Variants in CNTNAP5 observed in about 807,000 individuals in gnomAD.
CNTNAP5 encodes the protein contactin associated protein family member 5, also known as contactin-associated protein-like 5.
Under a neutral mutation model 150.2 loss-of-function variants are expected in CNTNAP5, and 72 were observed. That is an observed-to-expected ratio of 0.48 (90% confidence interval 0.40 to 0.58). CNTNAP5 has a LOEUF of 0.58. Ranked by LOEUF, CNTNAP5 falls within the 20% of genes least tolerant of loss-of-function variation. The pLI, the probability that CNTNAP5 is intolerant of heterozygous loss-of-function variation, is 0.00. For missense variants in CNTNAP5, 1,636 were observed against 1,626.2 expected (o/e 1.01, Z -0.10); for synonymous variants, 672 against 619.8 (o/e 1.08, Z -1.25).
intron 2 of CNTNAP5, among the ~76,000 whole-genome samples, chr2:124,231,333 T>G (rs933973176): frequency 3.3e-5 from 5 of 152,160 alleles, no homozygotes; most frequent in Non-Finnish European, 7.3e-5. Context: ...ACTTCAGTAC[T>G]CTGGTACTCA....
chr2:124,659,186 T>G (rs2105042404), intron 13 of CNTNAP5, among the ~76,000 whole-genome samples: 1 of 152,360 alleles, frequency 6.6e-6, no homozygotes, highest in Non-Finnish European at 1.5e-5. Flanking sequence ...TTAGTTTACC[T>G]AAGTTGTTTT....
chr2:124,243,700 A>G (rs1319444933), intron 3 of CNTNAP5, among the ~76,000 whole-genome samples: 2 of 152,252 alleles, frequency 1.3e-5, no homozygotes, highest in Admixed American at 1.3e-4. Context: ...AAATCTACCT[A>G]TTGGGTACTG....
chr2:124,408,848 T>A (rs377084069), intron 3 of CNTNAP5, among the ~76,000 whole-genome samples: 1 of 152,000 alleles, frequency 6.6e-6, no homozygotes, highest in Non-Finnish European at 1.5e-5. Flanking sequence ...TCCAAAGGAA[T>A]GCAGTTCCTC....
At chr2:124,368,470 AT>A (rs1456178745) in intron 3 of CNTNAP5, among the ~76,000 whole-genome samples, 2 of 152,176 alleles carry the variant, frequency 1.3e-5, no homozygotes, top group African/African-American at 4.8e-5. Context: ...CAGGAAGTTC[AT>A]TTACAGAAAT....
intron 1 of CNTNAP5, among the ~76,000 whole-genome samples, chr2:124,169,373 A>C (rs17010963): frequency 0.055 from 8,383 of 152,194 alleles, 435 homozygotes; most frequent in East Asian, 0.24. Flanking sequence ...TCATCCATTA[A>C]AAAAATTGAT....
chr2:124,664,565 T>C (rs1678659165), intron 13 of CNTNAP5, among the ~76,000 whole-genome samples: 1 of 152,182 alleles, frequency 6.6e-6, no homozygotes, highest in Admixed American at 6.5e-5. Flanking sequence ...CCTTGGCAGA[T>C]GCAAAGAGGG....
chr2:124,784,299 A>G (rs1017818977), intron 17 of CNTNAP5, among the ~76,000 whole-genome samples: 1 of 152,204 alleles, frequency 6.6e-6, no homozygotes, highest in South Asian at 2.1e-4. Context: ...TGCAGGAAAG[A>G]GCAGATACAC....
At chr2:124,419,994 T>TTTC (rs1692058100) in intron 4 of CNTNAP5, among the ~76,000 whole-genome samples, 1 of 131,500 alleles carries the variant, frequency 7.6e-6, no homozygotes, top group Non-Finnish European at 1.6e-5. Flanking sequence ...CTTTCTTTTT[T>TTTC]TTTTTTTTTT....
intron 19 of CNTNAP5, among the ~76,000 whole-genome samples, chr2:124,843,890 G>T (rs755652889): frequency 2.6e-5 from 4 of 152,040 alleles, no homozygotes; most frequent in Non-Finnish European, 5.9e-5. Flanking sequence ...TGAGTTCCTT[G>T]TAGATTCTGG....
At chr2:124,242,931 T>C (rs1686923446) in intron 3 of CNTNAP5, among the ~76,000 whole-genome samples, 1 of 152,142 alleles carries the variant, frequency 6.6e-6, no homozygotes. Flanking sequence ...AAACTAAAAC[T>C]ACAAAACAAG....
At chr2:124,462,753 A>G (rs1283829669) in intron 6 of CNTNAP5, among the ~76,000 whole-genome samples, 1 of 152,168 alleles carries the variant, frequency 6.6e-6, no homozygotes, top group Admixed American at 6.5e-5. Context: ...AGAGAACCAC[A>G]TATCATGAAT....
intron 1 of CNTNAP5, among the ~76,000 whole-genome samples, chr2:124,127,387 C>A (rs1683732997): frequency 6.6e-6 from 1 of 152,100 alleles, no homozygotes. Context: ...GAACTACAGA[C>A]CACTCCTCAA....
At chr2:124,642,876 C>G (rs1432700049) in intron 12 of CNTNAP5, among the ~76,000 whole-genome samples, 2 of 152,152 alleles carry the variant, frequency 1.3e-5, no homozygotes, top group Non-Finnish European at 2.9e-5. Flanking sequence ...CTTGAAAGCT[C>G]AAAATCACAA....
chr2:124,449,200 A>G (rs1692904075), intron 6 of CNTNAP5, among the ~76,000 whole-genome samples: 1 of 152,224 alleles, frequency 6.6e-6, no homozygotes, highest in Admixed American at 6.5e-5. Flanking sequence ...AATACAAGAT[A>G]ACAGGTGGAT....
chr2:124,442,193 A>G (rs1374489142), intron 5 of CNTNAP5, among the ~76,000 whole-genome samples: 2 of 152,170 alleles, frequency 1.3e-5, no homozygotes, highest in Non-Finnish European at 2.9e-5. Context: ...TGAGGAGGGT[A>G]AAGGTAAAGT....
rs778760965 is a variant in CNTNAP5, at chr2:124,434,614, T to C, written c.660T>C (p.His220=). 3.7e-6 allele frequency: 6 copies of C among 1,613,896 alleles called. No individual in the cohort carries two copies. The highest frequency in any genetic ancestry group is 2.2e-5 in the East Asian group (1 of 44,866). ...KSMQGDGVLF[H]GEGQRGDHIT... ...TGCAAGGAGATGGGGTCCTGTTCCATGGAGAAGGTCAGCGTGGAGACCACA... is the reference window on the plus strand; with the variant it reads ...TGCAAGGAGATGGGGTCCTGTTCCACGGAGAAGGTCAGCGTGGAGACCACA... The change falls in exon 5 of 24, where the codon CAT becomes CAC. Residue 220 remains histidine, a synonymous_variant. Coordinates refer to ENST00000682447, the MANE Select transcript of CNTNAP5 (RefSeq NM_001367498.1).
At chr2:124,227,640 A>ATT (rs374775295) in intron 2 of CNTNAP5, among the ~76,000 whole-genome samples, 1 of 143,322 alleles carries the variant, frequency 7.0e-6, no homozygotes, top group Non-Finnish European at 1.5e-5. Context: ...CATCGTGTGT[A>ATT]TGTGTGTGTG....
chr2:124,097,983 G>A (rs947601900), intron 1 of CNTNAP5, among the ~76,000 whole-genome samples: 4 of 152,120 alleles, frequency 2.6e-5, no homozygotes, highest in Non-Finnish European at 5.9e-5. Context: ...GGCCGAGATG[G>A]CGCCACTGCA....
chr2:124,188,696 G>A (rs1310868017), intron 1 of CNTNAP5, among the ~76,000 whole-genome samples: 1 of 137,178 alleles, frequency 7.3e-6, no homozygotes, highest in Non-Finnish European at 1.5e-5. Flanking sequence ...TCCAGCCTGG[G>A]TGACAGCGAG....
Sources: allele counts gnomAD v4.1 joint callset (sites outside exome capture counted in the v4.1 genomes callset), GRCh38; gene constraint gnomAD v4.1.1; transcripts MANE v1.5; gene names NCBI Gene and HGNC (gene_info 2026-07-23, HGNC 2026-07-21).